Variants in SERINC5 observed in about 807,000 individuals in gnomAD.
SERINC5 encodes the protein serine incorporator 5.
SERINC5 carries 41 observed loss-of-function variants against 63.1 expected under a neutral mutation model. The observed-to-expected ratio is 0.65, with a 90% CI of 0.51 to 0.84. The LOEUF (loss-of-function observed/expected upper bound fraction) is 0.84. Among genes scored for constraint, SERINC5 ranks in the 40% least tolerant of loss-of-function variants. The pLI is 0.00. For synonymous variants in SERINC5, 222 were observed against 215.2 expected, an observed-to-expected ratio of 1.03 and a Z score of -0.28; for missense variants, 523 against 573.0, an observed-to-expected ratio of 0.91 and a Z score of 0.89.
chr5:80,221,520 A>C (rs1750904956), intron 1 of SERINC5, among the ~76,000 whole-genome samples: 2 of 152,218 alleles, frequency 1.3e-5, no homozygotes, highest in Non-Finnish European at 2.9e-5. Context: ...TCCTTAGGAG[A>C]GATGAATACA....
At chr5:80,254,961 C>T (rs1402667903) in intron 1 of SERINC5, 2 of 152,174 alleles carry the variant, frequency 1.3e-5, no homozygotes, top group East Asian at 3.9e-4. Context: ...AAGAACACCC[C>T]GAACCAGGAT....
At chr5:80,209,081 G>A (rs1233823582) in intron 1 of SERINC5, among the ~76,000 whole-genome samples, 1 of 152,174 alleles carries the variant, frequency 6.6e-6, no homozygotes, top group Non-Finnish European at 1.5e-5. Context: ...GGCCAACCTG[G>A]CCAACATGGC....
At chr5:80,119,257 C>T (rs758808020) in intron 11 of SERINC5, among the ~76,000 whole-genome samples, 3 of 152,206 alleles carry the variant, frequency 2.0e-5, no homozygotes, top group Non-Finnish European at 2.9e-5. Context: ...TCTACAAGCT[C>T]TTAAGAGCTG....
intron 2 of SERINC5, among the ~76,000 whole-genome samples, chr5:80,197,872 A>G (rs905144050): frequency 6.6e-6 from 1 of 151,804 alleles, no homozygotes; most frequent in African/African-American, 2.4e-5. Context: ...ACAGAGTGTC[A>G]CTCTGTCGCC....
At chr5:80,116,433 T>G in intron 11 of SERINC5, 1 of 425,922 alleles carries the variant, frequency 2.3e-6, no homozygotes, top group South Asian at 1.7e-5. Context: ...TATCAGAAAC[T>G]TCAGTCCATT....
intron 11 of SERINC5, among the ~76,000 whole-genome samples, chr5:80,124,402 C>A (rs950293435): frequency 9.2e-5 from 14 of 152,192 alleles, no homozygotes; most frequent in African/African-American, 3.4e-4. Flanking sequence ...TAAGTGTCTG[C>A]CAAACACAAG....
At chr5:80,112,038 A>C (rs111833737) in intron 12 of SERINC5, among the ~76,000 whole-genome samples, 23,017 of 152,278 alleles carry the variant, frequency 0.15, 1,878 homozygotes, top group Non-Finnish European at 0.19. Context: ...GCCCAGGAAA[A>C]CCGGGTATTG....
rs375519555 is a variant in SERINC5, at chr5:80,146,136, A to G, written c.1192T>C (p.Phe398Leu). The change falls in exon 11 of 12, where the codon TTC becomes CTC. Residue 398 changes from phenylalanine (F) to leucine (L), a missense_variant. Phe to Leu is a conservative substitution (Grantham distance 22). Transcript: ENST00000507668. ...ATCATCACATACAGGGAAGCTAGGA[A>G]GAACACGAAGTGGAAGTAGGAGTAG... ...YIYSYFHFVF[F>L]LASLYVMMTV... The G allele has an allele frequency of 2.2e-5, 35 of 1,613,960 alleles. No individual in the cohort carries two copies. Among genetic ancestry groups the G allele is most frequent in the Non-Finnish European group, 2.8e-5 (33 of 1,179,894 alleles).
At chr5:80,208,589 T>C (rs780644978) in intron 1 of SERINC5, among the ~76,000 whole-genome samples, 6 of 152,132 alleles carry the variant, frequency 3.9e-5, no homozygotes. Context: ...ACGCAAGCAC[T>C]GAATCACAGA....
At chr5:80,207,473 A>G (rs1399980465) in intron 1 of SERINC5, among the ~76,000 whole-genome samples, 1 of 152,224 alleles carries the variant, frequency 6.6e-6, no homozygotes, top group East Asian at 1.9e-4. Context: ...TACAAACATC[A>G]CTGTGAGCCT....
downstream of SERINC5, among the ~76,000 whole-genome samples, chr5:80,137,378 C>T (rs1433097088): frequency 3.9e-5 from 6 of 152,044 alleles, no homozygotes; most frequent in Non-Finnish European, 7.4e-5. Context: ...CAGTGGCTCA[C>T]ACCTGTAATC....
chr5:80,232,195 G>A (rs1281580161), intron 1 of SERINC5, among the ~76,000 whole-genome samples: 1 of 151,054 alleles, frequency 6.6e-6, no homozygotes, highest in Non-Finnish European at 1.5e-5. Context: ...ACGAGGTCAG[G>A]AGATCAAGAC....
chr5:80,112,443 C>T (rs997093465), intron 12 of SERINC5, among the ~76,000 whole-genome samples: 3 of 152,144 alleles, frequency 2.0e-5, no homozygotes, highest in African/African-American at 7.2e-5. Context: ...CTGCCGCTTC[C>T]TCTTGCTGAG....
downstream of SERINC5, among the ~76,000 whole-genome samples, chr5:80,138,452 T>C (rs1745304647): frequency 6.6e-6 from 1 of 151,938 alleles, no homozygotes; most frequent in Non-Finnish European, 1.5e-5. Flanking sequence ...AAAAATTACC[T>C]GGGCATGATA....
At chr5:80,249,317 A>G (rs948410205) in intron 1 of SERINC5, among the ~76,000 whole-genome samples, 4 of 149,460 alleles carry the variant, frequency 2.7e-5, no homozygotes, top group African/African-American at 7.3e-5. Context: ...TCTGTCTCCA[A>G]AAAAAAAAAG....
chr5:80,235,580 G>A (rs903112809), intron 1 of SERINC5, among the ~76,000 whole-genome samples: 6 of 151,954 alleles, frequency 3.9e-5, no homozygotes, highest in Non-Finnish European at 8.8e-5. Flanking sequence ...CATTTTTAAT[G>A]GTAATTTTTT....
At chr5:80,138,379 T>C (rs1580046881), downstream of SERINC5, among the ~76,000 whole-genome samples, 2 of 152,238 alleles carry the variant, frequency 1.3e-5, no homozygotes, top group South Asian at 4.1e-4. Flanking sequence ...GCAGATCACC[T>C]GTAGTCAGGA....
intron 2 of SERINC5, among the ~76,000 whole-genome samples, chr5:80,187,202 C>G (rs1748864106): frequency 6.6e-6 from 1 of 152,024 alleles, no homozygotes. Flanking sequence ...ATTAGCAAAG[C>G]TAATTATTCT....
At chr5:80,136,175 C>CG (rs1227797600), downstream of SERINC5, among the ~76,000 whole-genome samples, 1 of 152,012 alleles carries the variant, frequency 6.6e-6, no homozygotes, top group Non-Finnish European at 1.5e-5. Context: ...CCCAAGCCCT[C>CG]GGGAGGCTGG....
Sources: allele counts gnomAD v4.1 joint callset (sites outside exome capture counted in the v4.1 genomes callset), GRCh38; gene constraint gnomAD v4.1.1; transcripts MANE v1.5; gene names NCBI Gene and HGNC (gene_info 2026-07-23, HGNC 2026-07-21).